EYS: variants seen among roughly 807,000 people sequenced by gnomAD.
EYS encodes protein eyes shut homolog.
Under a neutral mutation model 282.1 loss-of-function variants are expected in EYS, and 250 were observed. The ratio of observed to expected loss-of-function variants is 0.89; its 90% CI spans 0.80 to 0.98. The LOEUF (loss-of-function observed/expected upper bound fraction) is 0.98. Among genes scored for constraint, EYS ranks in the 50% least tolerant of loss-of-function variants. EYS has a pLI of 0.00. For synonymous variants in EYS, 1,355 were observed against 1,282.9 expected (o/e 1.06, Z -1.20); for missense variants, 4,016 against 3,709.0 (o/e 1.08, Z -2.15).
intron 32 of EYS, among the ~76,000 whole-genome samples, chr6:64,073,357 A>G (rs1416785766): frequency 4.0e-5 from 6 of 151,846 alleles, no homozygotes; most frequent in Non-Finnish European, 8.8e-5. Flanking sequence ...TAATCACCTT[A>G]GGGAACAAAA....
chr6:64,798,380 C>A (rs147024159), intron 22 of EYS, among the ~76,000 whole-genome samples: 17 of 151,814 alleles, frequency 1.1e-4, no homozygotes, highest in African/African-American at 3.9e-4. Flanking sequence ...TAAAAATAAG[C>A]TATTTATGGA....
chr6:64,112,053 T>C (rs1426611395), intron 31 of EYS, among the ~76,000 whole-genome samples: 1 of 152,072 alleles, frequency 6.6e-6, no homozygotes, highest in Non-Finnish European at 1.5e-5. Flanking sequence ...GCTTTGATTT[T>C]GTCATCCCTT....
intron 12 of EYS, among the ~76,000 whole-genome samples, chr6:65,233,081 C>T (rs185140459): frequency 7.7e-4 from 117 of 152,178 alleles, no homozygotes; most frequent in African/African-American, 2.6e-3. Flanking sequence ...ATCATGCCAT[C>T]CTTTATTTAA....
chr6:63,965,745 C>T (rs1442692049), intron 35 of EYS, among the ~76,000 whole-genome samples: 1 of 152,070 alleles, frequency 6.6e-6, no homozygotes, highest in Non-Finnish European at 1.5e-5. Flanking sequence ...GGCTTTTGGA[C>T]CTTCCTTGGT....
chr6:64,497,737 T>A (rs1041501411), intron 26 of EYS, among the ~76,000 whole-genome samples: 2 of 152,024 alleles, frequency 1.3e-5, no homozygotes. Flanking sequence ...AGATTGAGAT[T>A]TGGAAATGTG....
At chr6:64,991,483 TAATC>T (rs1316156856) in intron 14 of EYS, among the ~76,000 whole-genome samples, 6 of 151,656 alleles carry the variant, frequency 4.0e-5, no homozygotes, top group Non-Finnish European at 5.9e-5. Flanking sequence ...GATATCATAA[TAATC>T]AATCAGTCAT....
chr6:63,977,219 G>A (rs1766879347), intron 35 of EYS, among the ~76,000 whole-genome samples: 1 of 151,706 alleles, frequency 6.6e-6, no homozygotes, highest in Non-Finnish European at 1.5e-5. Context: ...TTTTGATACA[G>A]GCATACAATG....
At chr6:65,311,148 G>A (rs1342884417) in intron 11 of EYS, among the ~76,000 whole-genome samples, 2 of 152,074 alleles carry the variant, frequency 1.3e-5, no homozygotes, top group Non-Finnish European at 2.9e-5. Context: ...GAAGCGATAC[G>A]TATATCTATA....
chr6:64,560,525 A>T (rs970060471), intron 26 of EYS, among the ~76,000 whole-genome samples: 1 of 152,072 alleles, frequency 6.6e-6, no homozygotes, highest in Admixed American at 6.6e-5. Context: ...TCAATTTCCC[A>T]TGGAAACAGC....
intron 26 of EYS, among the ~76,000 whole-genome samples, chr6:64,525,969 A>C (rs1347894874): frequency 1.3e-5 from 2 of 151,834 alleles, no homozygotes; most frequent in Admixed American, 6.6e-5. Flanking sequence ...TGGAAAAAAA[A>C]CCTCTAATAT....
chr6:64,133,024 T>C (rs1395049387), intron 31 of EYS, among the ~76,000 whole-genome samples: 1 of 152,074 alleles, frequency 6.6e-6, no homozygotes, highest in Non-Finnish European at 1.5e-5. Flanking sequence ...TTATATGTTT[T>C]GCATTTTACT....
intron 5 of EYS, among the ~76,000 whole-genome samples, chr6:65,427,052 AG>A (rs1424024423): frequency 6.6e-6 from 1 of 152,018 alleles, no homozygotes; most frequent in Non-Finnish European, 1.5e-5. Context: ...GCGAAGCCAT[AG>A]TCTTCTCTAT....
intron 22 of EYS, among the ~76,000 whole-genome samples, chr6:64,751,449 C>T (rs891424860): frequency 3.9e-5 from 6 of 152,168 alleles, no homozygotes; most frequent in African/African-American, 7.2e-5. Flanking sequence ...TGGCTGCCCC[C>T]GGACTCCTCA....
chr6:65,414,709 G>C (rs931618492), intron 5 of EYS, among the ~76,000 whole-genome samples: 3 of 152,044 alleles, frequency 2.0e-5, no homozygotes, highest in African/African-American at 7.2e-5. Context: ...ACACATCCAA[G>C]TGAGGTTGGT....
intron 12 of EYS, among the ~76,000 whole-genome samples, chr6:65,146,503 A>G (rs1269470039): frequency 6.6e-6 from 1 of 151,960 alleles, no homozygotes; most frequent in Non-Finnish European, 1.5e-5. Flanking sequence ...TAATTTTTCT[A>G]TGCACCAGGG....
intron 16 of EYS, among the ~76,000 whole-genome samples, chr6:64,910,040 A>G (rs1309523634): frequency 1.3e-5 from 2 of 152,162 alleles, no homozygotes; most frequent in Admixed American, 1.3e-4. Context: ...AGAAATACAT[A>G]CGCTGAATCC....
At chr6:65,704,013 A>G (rs1450546530) in intron 1 of EYS, among the ~76,000 whole-genome samples, 1 of 152,132 alleles carries the variant, frequency 6.6e-6, no homozygotes, top group Non-Finnish European at 1.5e-5. Flanking sequence ...AGGTGAAAAG[A>G]AGAGCCATGG....
chr6:64,695,113 A>T (rs1770529473), intron 22 of EYS, among the ~76,000 whole-genome samples: 2 of 151,990 alleles, frequency 1.3e-5, no homozygotes. Context: ...ACTTGTCCCC[A>T]CTATTGGCCA....
intron 36 of EYS, among the ~76,000 whole-genome samples, chr6:63,838,627 A>T (rs1014947295): frequency 1.3e-5 from 2 of 151,996 alleles, no homozygotes; most frequent in African/African-American, 4.8e-5. Flanking sequence ...GTTTCTTAGC[A>T]TTTTTCCCCT....
Sources: gnomAD v4.1 joint callset for allele counts (sites outside exome capture counted in the v4.1 genomes callset) on GRCh38, gnomAD v4.1.1 for gene constraint, MANE v1.5 for transcripts, NCBI Gene and HGNC (gene_info 2026-07-23, HGNC 2026-07-21) for gene names.